NTN1: variants seen among roughly 807,000 people sequenced by gnomAD.
The protein encoded by NTN1 is netrin 1, also known as netrin-1.
NTN1 carries 11 observed loss-of-function variants against 54.2 expected under a neutral mutation model. The observed-to-expected ratio is 0.20, with a 90% CI of 0.13 to 0.34. The LOEUF (loss-of-function observed/expected upper bound fraction) is 0.34, where lower values mean the gene tolerates loss of function less well. NTN1 is among the 10% of genes least tolerant of loss of function. The pLI, the probability that NTN1 is intolerant of heterozygous loss-of-function variation, is 1.00. For missense variants in NTN1, 740 were observed against 893.1 expected, an observed-to-expected ratio of 0.83 and a Z score of 2.18; for synonymous variants, 371 against 382.0, an observed-to-expected ratio of 0.97 and a Z score of 0.33.
chr17:9,200,544 T>G (rs1904753431), intron 5 of NTN1, among the ~76,000 whole-genome samples: 1 of 152,226 alleles, frequency 6.6e-6, no homozygotes, highest in African/African-American at 2.4e-5. Context: ...AATCCTTCCC[T>G]TGACCTCATC....
At chr17:9,184,863 C>T (rs371483991) in intron 5 of NTN1, among the ~76,000 whole-genome samples, 13 of 152,212 alleles carry the variant, frequency 8.5e-5, no homozygotes, top group African/African-American at 2.2e-4. Flanking sequence ...TTCTTGGCTC[C>T]GCCAGACAAA....
chr17:9,038,885 A>G (rs1567696289), intron 2 of NTN1, among the ~76,000 whole-genome samples: 1 of 152,152 alleles, frequency 6.6e-6, no homozygotes, highest in Non-Finnish European at 1.5e-5. Context: ...TTGTTGCCAG[A>G]ACTCGAAGTA....
At chr17:9,144,514 C>T (rs1162975662) in intron 2 of NTN1, among the ~76,000 whole-genome samples, 1 of 152,196 alleles carries the variant, frequency 6.6e-6, no homozygotes, top group East Asian at 1.9e-4. Context: ...TTTGTCACCT[C>T]CAAGTTGTAC....
rs758409625 is a variant in NTN1 at position 9,243,434 on chromosome 17, A to ATGGTT, written c.*3467_*3471dup. The ATGGTT allele has an allele frequency of 1.2e-5, 1 of 84,642 alleles. No homozygotes were observed. The highest frequency in any genetic ancestry group is 3.0e-5 in the African/African-American group (1 of 32,892). The allele number at this position is 84,642 out of a possible 1,614,324, so 5.2% of individuals were successfully genotyped here. ...AGAAGAGACCCTAAGGGACTGGGGA[A>ATGGTT]TGGTTCCTGCCTTCAGGAAAGTGAA... On this transcript the variant is annotated 3_prime_UTR_variant, in exon 7 of 7. Coordinates refer to ENST00000173229, the MANE Select transcript of NTN1 (RefSeq NM_004822.3).
intron 5 of NTN1, among the ~76,000 whole-genome samples, chr17:9,189,959 C>G (rs1904407204): frequency 6.6e-6 from 1 of 152,206 alleles, no homozygotes; most frequent in Admixed American, 6.5e-5. Flanking sequence ...GCAGACAAAT[C>G]AGCTAATCCC....
intron 2 of NTN1, among the ~76,000 whole-genome samples, chr17:9,160,364 C>G (rs903875574): frequency 6.6e-6 from 1 of 152,122 alleles, no homozygotes; most frequent in African/African-American, 2.4e-5. Flanking sequence ...CTTGGCCTCT[C>G]AAAGTGCTGG....
At chr17:9,107,299 A>G (rs2092170657) in intron 2 of NTN1, among the ~76,000 whole-genome samples, 1 of 152,202 alleles carries the variant, frequency 6.6e-6, no homozygotes, top group African/African-American at 2.4e-5. Context: ...TTTTAACTGT[A>G]TTTTAATTAA....
rs753329838 is a variant in NTN1, at chr17:9,183,433, A to G, written c.1411+464A>G. On this transcript the variant is annotated intron_variant, in intron 5 of 6. Coordinates refer to ENST00000173229, the MANE Select transcript of NTN1 (RefSeq NM_004822.3). ...CACATCTTCATTTTCATTCGCCTCT[A>G]ACTAAAAATTTAGCATTTCCTCCAT... The G allele has an allele frequency of 4.1e-5, 17 of 409,722 alleles. 1 individual carries two copies. Among genetic ancestry groups the G allele is most frequent in the South Asian group, 2.8e-4 (15 of 53,254 alleles). The allele number at this position is 409,722 out of a possible 1,614,324, so 25.4% of individuals were successfully genotyped here.
chr17:9,139,499 A>G (rs1361677057), intron 2 of NTN1, among the ~76,000 whole-genome samples: 1 of 152,154 alleles, frequency 6.6e-6, no homozygotes, highest in African/African-American at 2.4e-5. Flanking sequence ...TTCCAAGAGA[A>G]GGAGTCCACG....
intron 2 of NTN1, among the ~76,000 whole-genome samples, chr17:9,084,012 A>G (rs2092082095): frequency 6.6e-6 from 1 of 152,184 alleles, no homozygotes. Context: ...AGCGTCTATC[A>G]TGGGGGTGAT....
chr17:9,075,824 A>AT (rs1555565781), intron 2 of NTN1, among the ~76,000 whole-genome samples: 2 of 152,182 alleles, frequency 1.3e-5, no homozygotes, highest in African/African-American at 4.8e-5. Flanking sequence ...ATGTTTCCCC[A>AT]GGGGGAAAAT....
chr17:9,073,079 C>A (rs373205886), intron 2 of NTN1, among the ~76,000 whole-genome samples: 2 of 152,220 alleles, frequency 1.3e-5, no homozygotes, highest in African/African-American at 4.8e-5. Flanking sequence ...GGTAGGCCAG[C>A]GAGGACGAGC....
At position 9,211,169 on chromosome 17, in the gene NTN1, G is replaced by T. The variant is rs1288870150; in HGVS notation, c.1412-9999G>T. On this transcript the variant is annotated intron_variant, in intron 5 of 6. Coordinates refer to ENST00000173229, the MANE Select transcript of NTN1 (RefSeq NM_004822.3). The surrounding 1 kb of genome is among the most constrained non-coding windows in gnomAD (Gnocchi z 4.4). ...CCTGCAAACTGTAAGCCTCATCTCT[G>T]GCTGTGCAAACCCCAGCTTTTGCCA... Among the ~76,000 whole-genome samples the T allele has an allele frequency of 6.6e-6, 1 of 152,048 alleles. No individual in the cohort carries two copies. Among genetic ancestry groups the T allele is most frequent in the Non-Finnish European group, 1.5e-5 (1 of 68,012 alleles).
intron 5 of NTN1, among the ~76,000 whole-genome samples, chr17:9,207,489 C>T (rs1258106939): frequency 2.0e-5 from 3 of 152,192 alleles, no homozygotes; most frequent in Non-Finnish European, 4.4e-5. Context: ...TACAAACGCT[C>T]ACCCCCGCTT....
chr17:9,124,286 G>C (rs1377480227), intron 2 of NTN1, among the ~76,000 whole-genome samples: 1 of 152,248 alleles, frequency 6.6e-6, no homozygotes, highest in East Asian at 1.9e-4. Context: ...ATTCAGGGTG[G>C]AAATGTGGCA....
At chr17:9,041,031 T>G (rs1430600055) in intron 2 of NTN1, among the ~76,000 whole-genome samples, 3 of 152,132 alleles carry the variant, frequency 2.0e-5, no homozygotes, top group Admixed American at 6.5e-5. Flanking sequence ...CAAGCTGATC[T>G]TAAACTCCTG....
chr17:9,190,584 G>A (rs1299222489), intron 5 of NTN1, among the ~76,000 whole-genome samples: 1 of 152,236 alleles, frequency 6.6e-6, no homozygotes, highest in African/African-American at 2.4e-5. Flanking sequence ...AGGTGCAGTG[G>A]CTCACGCCTA....
chr17:9,062,030 C>T (rs1273696820), intron 2 of NTN1, among the ~76,000 whole-genome samples: 2 of 152,152 alleles, frequency 1.3e-5, no homozygotes, highest in Non-Finnish European at 2.9e-5. Flanking sequence ...GGGGACAAGC[C>T]TGATGAAATG....
At chr17:9,089,178 C>T (rs866464255) in intron 2 of NTN1, among the ~76,000 whole-genome samples, 10 of 151,992 alleles carry the variant, frequency 6.6e-5, no homozygotes, top group South Asian at 2.1e-4. Context: ...TTTGGGAGGC[C>T]GAGACTGGTG....
Sources: gnomAD v4.1 joint callset for allele counts (sites outside exome capture counted in the v4.1 genomes callset) on GRCh38, gnomAD v4.1.1 for gene constraint, Gnocchi (gnomAD v3.1) non-coding constraint, MANE v1.5 for transcripts, NCBI Gene and HGNC (gene_info 2026-07-23, HGNC 2026-07-21) for gene names.